NOL10: variants seen among roughly 807,000 people sequenced by gnomAD.
The protein encoded by NOL10 is nucleolar protein 10.
A neutral mutation model predicts 103.5 loss-of-function variants in NOL10; 58 were observed. The observed-to-expected ratio is 0.56, with a 90% CI of 0.45 to 0.70. NOL10 has a LOEUF of 0.70. Ranked by LOEUF, NOL10 falls within the 30% of genes least tolerant of loss-of-function variation. NOL10 has a pLI of 0.00. For synonymous variants in NOL10, 287 were observed against 282.5 expected (o/e 1.02, Z -0.16); for missense variants, 763 against 807.3 (o/e 0.95, Z 0.67).
At chr2:10,613,850 A>G (rs1676697019) in intron 13 of NOL10, among the ~76,000 whole-genome samples, 3 of 152,222 alleles carry the variant, frequency 2.0e-5, no homozygotes. Context: ...AAAAATAGAT[A>G]TAAATATCAG....
rs757265241 is a variant in NOL10, at chr2:10,572,064, T to C, written c.*7A>G. The C allele has an allele frequency of 1.7e-5, 27 of 1,613,216 alleles. No homozygotes were observed. In the South Asian group the frequency reaches 3.0e-4, roughly 18 times the overall value. The stretch of plus-strand genomic sequence containing the variant: ...CTCCCTAATCACAGGTAGGACCACT[T>C]CCCAAATCAATGAAACGACCGTCCT... On this transcript the variant is annotated 3_prime_UTR_variant, in exon 21 of 21. Transcript: ENST00000381685.
intron 13 of NOL10, among the ~76,000 whole-genome samples, chr2:10,626,680 C>A (rs1463906470): frequency 6.6e-6 from 1 of 151,978 alleles, no homozygotes; most frequent in East Asian, 1.9e-4. Flanking sequence ...ACTTGGTAAG[C>A]ACCAAGATGG....
At chr2:10,575,409 A>G (rs1674404955) in intron 20 of NOL10, among the ~76,000 whole-genome samples, 1 of 152,216 alleles carries the variant, frequency 6.6e-6, no homozygotes, top group Non-Finnish European at 1.5e-5. Context: ...AGTTTACTGT[A>G]AACTAGAACT....
intron 17 of NOL10, among the ~76,000 whole-genome samples, chr2:10,594,726 C>T (rs762452503): frequency 5.9e-5 from 9 of 152,074 alleles, no homozygotes; most frequent in Non-Finnish European, 5.9e-5. Context: ...CATGGTGGCT[C>T]GTGCCTGTAA....
At chr2:10,688,513 C>T (rs1024515781) in intron 1 of NOL10, among the ~76,000 whole-genome samples, 5 of 152,222 alleles carry the variant, frequency 3.3e-5, no homozygotes, top group African/African-American at 1.2e-4. Flanking sequence ...CGACTGGCTC[C>T]TCTTCATCAT....
intron 4 of NOL10, among the ~76,000 whole-genome samples, chr2:10,674,292 C>A (rs1424804755): frequency 6.6e-6 from 1 of 151,808 alleles, no homozygotes; most frequent in Non-Finnish European, 1.5e-5. Context: ...TTCCACAGAC[C>A]ACATATCCCA....
Position 10,684,609 on chromosome 2 carries a change from G to C in NOL10, c.70C>G (p.Leu24Val). 1.9e-6 allele frequency: 3 copies of C among 1,564,998 alleles called. No homozygotes were observed. Among genetic ancestry groups the C allele is most frequent in the Non-Finnish European group, 2.6e-6 (3 of 1,153,780 alleles). The change falls in exon 2 of 21, where the codon CTT becomes GTT. Residue 24 changes from leucine to valine, a missense_variant. Leu to Val is a conservative substitution (Grantham distance 32). Transcript: ENST00000381685. ...AGCGCTCTCTTCTTCCTATCAGAAA[G>C]CCACTTAAAGAAAATGAAGAGAGTT... ...LSCGKSLPEW[L>V]SDRKKRALQK...
chr2:10,649,716 C>T (rs576062502), intron 12 of NOL10, among the ~76,000 whole-genome samples: 4 of 152,202 alleles, frequency 2.6e-5, no homozygotes, highest in Admixed American at 6.5e-5. Flanking sequence ...CTGTAAAGGG[C>T]CAGGCAGTAC....
Position 10,613,937 on chromosome 2 carries a change from G to A in NOL10, c.1027-6626C>T, listed in dbSNP as rs563198888. Among the ~76,000 whole-genome samples the A allele has an allele frequency of 1.3e-4, 19 of 149,138 alleles. No individual in the cohort carries two copies. In the East Asian group the frequency reaches 3.5e-3, roughly 28 times the overall value. On this transcript the variant is annotated intron_variant, in intron 13 of 20. Coordinates refer to ENST00000381685, the MANE Select transcript of NOL10 (RefSeq NM_024894.4). ...AGCACTAGCAACCCACACTCTAAGA[G>A]GTAGAGGGTTTTTATCCCCCATTAG...
At chr2:10,638,354 T>G (rs1240148096) in intron 13 of NOL10, among the ~76,000 whole-genome samples, 1 of 150,912 alleles carries the variant, frequency 6.6e-6, no homozygotes, top group Non-Finnish European at 1.5e-5. Flanking sequence ...TAACGTAACG[T>G]AACGTAACAG....
chr2:10,689,290 C>G (rs4614910), intron 1 of NOL10, among the ~76,000 whole-genome samples: 45,257 of 152,092 alleles, frequency 0.3, 7,044 homozygotes, highest in South Asian at 0.48. Flanking sequence ...GACTAGGAAT[C>G]AGGTTAAGTT....
chr2:10,598,037 C>T (rs537514058), intron 17 of NOL10, among the ~76,000 whole-genome samples: 3 of 152,322 alleles, frequency 2.0e-5, no homozygotes, highest in East Asian at 1.9e-4. Context: ...GTTCTTGATT[C>T]GCACGGTGCC....
At chr2:10,587,520 C>T (rs1434294132) in intron 19 of NOL10, among the ~76,000 whole-genome samples, 1 of 149,244 alleles carries the variant, frequency 6.7e-6, no homozygotes, top group Non-Finnish European at 1.5e-5. Flanking sequence ...CTGCCCCCCC[C>T]TTGGCCTCCC....
chr2:10,591,027 ATAT>A (rs1390379109), intron 17 of NOL10: 1 of 152,222 alleles, frequency 6.6e-6, no homozygotes, highest in Non-Finnish European at 1.5e-5. Context: ...TGAGTTCTGA[ATAT>A]TATTTGTGTG....
At position 10,644,581 on chromosome 2, in the gene NOL10, A is replaced by C. The variant is rs573639671; in HGVS notation, c.974-209T>G. Among the ~76,000 whole-genome samples the C allele has an allele frequency of 6.6e-5, 10 of 152,280 alleles. 1 individual carries two copies. The highest frequency in any genetic ancestry group is 2.6e-4 in the Admixed American group (4 of 15,294). On this transcript the variant is annotated intron_variant, in intron 12 of 20. Coordinates refer to ENST00000381685, the MANE Select transcript of NOL10 (RefSeq NM_024894.4). ...AAATTTGCTTTGCTTTTGCAAAGCAAATTCCTAACTTTTACAAAACTGACT... is the reference window on the plus strand; with the variant it reads ...AAATTTGCTTTGCTTTTGCAAAGCACATTCCTAACTTTTACAAAACTGACT...
intron 1 of NOL10, among the ~76,000 whole-genome samples, chr2:10,685,302 G>T (rs187979753): frequency 2.0e-5 from 3 of 152,226 alleles, no homozygotes; most frequent in African/African-American, 7.2e-5. Context: ...AGACCAGCCT[G>T]GCCAACATGG....
chr2:10,658,614 T>C (rs528110181), intron 10 of NOL10, among the ~76,000 whole-genome samples: 1 of 152,238 alleles, frequency 6.6e-6, no homozygotes, highest in African/African-American at 2.4e-5. Flanking sequence ...TTTGGAAATA[T>C]TTATTAAACA....
At chr2:10,595,339 CAG>C (rs150184724) in intron 17 of NOL10, among the ~76,000 whole-genome samples, 52,045 of 151,720 alleles carry the variant, frequency 0.34, 9,325 homozygotes, top group Non-Finnish European at 0.4. Flanking sequence ...TTGTTTTTGA[CAG>C]AGTCTCACTC....
intron 13 of NOL10, among the ~76,000 whole-genome samples, chr2:10,615,337 A>G (rs566437424): frequency 6.6e-6 from 1 of 152,248 alleles, no homozygotes; most frequent in African/African-American, 2.4e-5. Context: ...AAGAAAAATA[A>G]GGCCAAGTTA....
Sources: allele counts gnomAD v4.1 joint callset (sites outside exome capture counted in the v4.1 genomes callset), GRCh38; gene constraint gnomAD v4.1.1; transcripts MANE v1.5; gene names NCBI Gene and HGNC (gene_info 2026-07-23, HGNC 2026-07-21).